Variants in CTNNA3 observed in about 807,000 individuals in gnomAD.
CTNNA3 encodes catenin alpha-3.
In CTNNA3, 76 loss-of-function variants were observed where a neutral mutation model predicts 95.7. The ratio of observed to expected loss-of-function variants is 0.79; its 90% CI spans 0.66 to 0.96. The LOEUF (loss-of-function observed/expected upper bound fraction) is 0.96, where lower values mean the gene tolerates loss of function less well. Among genes scored for constraint, CTNNA3 ranks in the 40% least tolerant of loss-of-function variants. The pLI is 0.00. For synonymous variants in CTNNA3, 431 were observed against 374.4 expected, an observed-to-expected ratio of 1.15 and a Z score of -1.74; for missense variants, 1,191 against 1,089.8, an observed-to-expected ratio of 1.09 and a Z score of -1.31.
At chr10:66,363,622 T>TA (rs567566722) in intron 12 of CTNNA3, among the ~76,000 whole-genome samples, 3 of 151,858 alleles carry the variant, frequency 2.0e-5, no homozygotes, top group Non-Finnish European at 2.9e-5. Flanking sequence ...CAGATTACAA[T>TA]AAAAAAAATT....
chr10:67,660,506 A>C (rs530518169), intron 1 of CTNNA3, among the ~76,000 whole-genome samples: 4 of 152,038 alleles, frequency 2.6e-5, no homozygotes, highest in African/African-American at 7.3e-5. Context: ...AGCCACAAAC[A>C]CTCATCTTCA....
upstream of CTNNA3, among the ~76,000 whole-genome samples, chr10:67,698,042 A>G (rs1475327185): frequency 6.6e-6 from 1 of 152,202 alleles, no homozygotes; most frequent in African/African-American, 2.4e-5. Context: ...CCTGTAAACT[A>G]CACAGCCCCT....
At chr10:67,325,639 T>A (rs1024299932) in intron 5 of CTNNA3, among the ~76,000 whole-genome samples, 1 of 152,148 alleles carries the variant, frequency 6.6e-6, no homozygotes, top group South Asian at 2.1e-4. Flanking sequence ...TAGAGAATTG[T>A]TTTACTTCTG....
Position 66,360,760 on chromosome 10 carries a change from C to CTT in CTNNA3, c.1732+18390_1732+18391dup, listed in dbSNP as rs1564896910. Reference sequence around the variant, plus strand: ...TCTTTCTTTCTTCCTTCCTTCCTTCCTTCCTTCCTTTTCTTTCTTTCTTTC... The same window carrying CTT: ...TCTTTCTTTCTTCCTTCCTTCCTTCCTTTTCCTTCCTTTTCTTTCTTTCTTTC... On this transcript the variant is annotated intron_variant, in intron 12 of 17. Coordinates refer to ENST00000433211, the MANE Select transcript of CTNNA3 (RefSeq NM_013266.4). Among the ~76,000 whole-genome samples the CTT allele has an allele frequency of 6.0e-5, 7 of 116,952 alleles. 1 individual carries two copies. Among genetic ancestry groups the CTT allele is most frequent in the African/African-American group, 2.1e-4 (7 of 32,752 alleles). 76.7% of individuals were successfully genotyped at this position (116,952 alleles called of 152,430 possible). A position where few individuals can be genotyped will look rare whatever the true frequency, so the allele number is the denominator to read the frequency against.
At chr10:66,593,547 C>T (rs1003051988) in intron 10 of CTNNA3, among the ~76,000 whole-genome samples, 3 of 152,112 alleles carry the variant, frequency 2.0e-5, no homozygotes, top group African/African-American at 7.2e-5. Flanking sequence ...TACTCCTGGT[C>T]TGGGGACCAC....
intron 15 of CTNNA3, among the ~76,000 whole-genome samples, chr10:65,994,825 C>A (rs1367606869): frequency 6.6e-6 from 1 of 152,100 alleles, no homozygotes; most frequent in African/African-American, 2.4e-5. Context: ...CCATTTGTTA[C>A]ACAGGATTTG....
At chr10:66,522,112 C>G (rs1198904935) in intron 10 of CTNNA3, among the ~76,000 whole-genome samples, 1 of 152,052 alleles carries the variant, frequency 6.6e-6, no homozygotes, top group Non-Finnish European at 1.5e-5. Context: ...TTTTTAATCA[C>G]AAATGGATGT....
At chr10:66,160,820 T>C (rs2084804880) in intron 13 of CTNNA3, among the ~76,000 whole-genome samples, 1 of 152,194 alleles carries the variant, frequency 6.6e-6, no homozygotes, top group African/African-American at 2.4e-5. Flanking sequence ...CTATCTCATT[T>C]CTTAGGTCTA....
intron 13 of CTNNA3, among the ~76,000 whole-genome samples, chr10:66,106,175 C>G (rs1207879038): frequency 1.3e-5 from 2 of 151,066 alleles, no homozygotes; most frequent in Admixed American, 1.3e-4. Flanking sequence ...CCATTGCACT[C>G]CAGCCTGGGC....
chr10:66,178,284 C>T (rs1470222864), intron 13 of CTNNA3, among the ~76,000 whole-genome samples: 1 of 149,416 alleles, frequency 6.7e-6, no homozygotes, highest in Non-Finnish European at 1.5e-5. Flanking sequence ...AATTAAAAAC[C>T]TTGAAATGAA....
chr10:67,209,724 A>G (rs1315613863), intron 6 of CTNNA3, among the ~76,000 whole-genome samples: 1 of 152,104 alleles, frequency 6.6e-6, no homozygotes, highest in Non-Finnish European at 1.5e-5. Flanking sequence ...ACAATTTTAA[A>G]ACACCAAAAA....
intron 5 of CTNNA3, among the ~76,000 whole-genome samples, chr10:67,292,962 T>C (rs1313241350): frequency 6.6e-6 from 1 of 151,990 alleles, no homozygotes; most frequent in Non-Finnish European, 1.5e-5. Context: ...CTTTGTCCAA[T>C]ACTAGATAAA....
rs1185765282 is a variant in CTNNA3 at position 66,341,845 on chromosome 10, T to A, written c.1732+37307A>T. On this transcript the variant is annotated intron_variant, in intron 12 of 17. Transcript: ENST00000433211. Reference sequence around the variant, plus strand: ...TACTGTTGATATTATTCTTTGCGTATTAACCTCAGAAGGGGAACAATATAT... The same window carrying A: ...TACTGTTGATATTATTCTTTGCGTAATAACCTCAGAAGGGGAACAATATAT... Among the ~76,000 whole-genome samples the A allele has an allele frequency of 2.0e-5, 3 of 151,788 alleles. No individual in the cohort carries two copies. In the East Asian group the frequency reaches 5.8e-4, roughly 29 times the overall value.
chr10:67,371,274 T>C (rs1388746981), intron 5 of CTNNA3, among the ~76,000 whole-genome samples: 2 of 151,898 alleles, frequency 1.3e-5, no homozygotes, highest in African/African-American at 4.8e-5. Context: ...TACATGTGCA[T>C]AATGTGCAGG....
At chr10:66,769,750 C>G (rs1446329849) in intron 8 of CTNNA3, among the ~76,000 whole-genome samples, 1 of 152,208 alleles carries the variant, frequency 6.6e-6, no homozygotes, top group African/African-American at 2.4e-5. Context: ...AATTCCTACC[C>G]TCCATCCATT....
At chr10:66,454,510 G>C (rs1049611518) in intron 11 of CTNNA3, among the ~76,000 whole-genome samples, 1 of 151,956 alleles carries the variant, frequency 6.6e-6, no homozygotes, top group Non-Finnish European at 1.5e-5. Context: ...ACACTTTAAA[G>C]ACACAGATTA....
chr10:66,685,178 C>CAT (rs34906544), intron 9 of CTNNA3, among the ~76,000 whole-genome samples: 18,236 of 126,266 alleles, frequency 0.14, 1,777 homozygotes, highest in African/African-American at 0.26. Flanking sequence ...TATATATACA[C>CAT]ATATATATAT....
intron 13 of CTNNA3, among the ~76,000 whole-genome samples, chr10:66,255,284 A>G (rs775758233): frequency 2.2e-4 from 34 of 152,168 alleles, no homozygotes; most frequent in Non-Finnish European, 4.7e-4. Context: ...GGGAGGTCAA[A>G]ATCCCTCGCA....
At chr10:66,668,790 C>T (rs570960379) in intron 9 of CTNNA3, among the ~76,000 whole-genome samples, 10 of 151,754 alleles carry the variant, frequency 6.6e-5, no homozygotes, top group South Asian at 6.3e-4. Context: ...CCAGCCTGGG[C>T]GACAGAGTCA....
Sources: allele counts gnomAD v4.1 joint callset (sites outside exome capture counted in the v4.1 genomes callset), GRCh38; gene constraint gnomAD v4.1.1; transcripts MANE v1.5; gene names NCBI Gene and HGNC (gene_info 2026-07-23, HGNC 2026-07-21).